Variants in NEK10 observed in about 807,000 individuals in gnomAD.
The protein encoded by NEK10 is NIMA related kinase 10.
A neutral mutation model predicts 159.8 loss-of-function variants in NEK10; 122 were observed. The ratio of observed to expected loss-of-function variants is 0.76; its 90% CI spans 0.66 to 0.89. The LOEUF (loss-of-function observed/expected upper bound fraction) is 0.89, where lower values mean the gene tolerates loss of function less well. Ranked by LOEUF, NEK10 falls within the 40% of genes least tolerant of loss-of-function variation. The pLI, the probability that NEK10 is intolerant of heterozygous loss-of-function variation, is 0.00. For synonymous variants in NEK10, 466 were observed against 457.1 expected (o/e 1.02, Z -0.25); for missense variants, 1,342 against 1,323.1 (o/e 1.01, Z -0.22).
At chr3:27,123,735 C>T (rs1027522781) in intron 32 of NEK10, among the ~76,000 whole-genome samples, 3 of 152,098 alleles carry the variant, frequency 2.0e-5, no homozygotes, top group South Asian at 2.1e-4. Context: ...TTGACTTAGT[C>T]AGCAAAGGCT....
intron 23 of NEK10, among the ~76,000 whole-genome samples, chr3:27,215,203 C>T (rs3099203): frequency 6.6e-6 from 1 of 152,308 alleles, no homozygotes; most frequent in East Asian, 1.9e-4. Context: ...TTCTCTCTTT[C>T]TGCACAATAT....
At chr3:27,345,830 T>C (rs570928534) in intron 4 of NEK10, among the ~76,000 whole-genome samples, 7 of 152,328 alleles carry the variant, frequency 4.6e-5, no homozygotes, top group African/African-American at 1.7e-4. Context: ...AACCACTTCC[T>C]CATTGAGCAA....
At chr3:27,316,246 G>A (rs2045162786) in intron 6 of NEK10, among the ~76,000 whole-genome samples, 1 of 152,150 alleles carries the variant, frequency 6.6e-6, no homozygotes, top group South Asian at 2.1e-4. Flanking sequence ...TATCAACTGG[G>A]AGCTCAGGTG....
At chr3:27,237,025 A>G (rs1259641179) in intron 23 of NEK10, among the ~76,000 whole-genome samples, 3 of 152,112 alleles carry the variant, frequency 2.0e-5, no homozygotes, top group Admixed American at 2.0e-4. Context: ...TCCCCCCAGG[A>G]ATGCATTCCT....
intron 22 of NEK10, among the ~76,000 whole-genome samples, chr3:27,272,655 C>T (rs1322646724): frequency 1.3e-5 from 2 of 152,132 alleles, no homozygotes; most frequent in Non-Finnish European, 2.9e-5. Flanking sequence ...ATCTGGACTT[C>T]ATGATTGTCC....
intron 31 of NEK10, among the ~76,000 whole-genome samples, chr3:27,132,361 C>T (rs1942723033): frequency 6.6e-6 from 1 of 152,170 alleles, no homozygotes; most frequent in Non-Finnish European, 1.5e-5. Flanking sequence ...ATGCCTAGAA[C>T]TATGCCAAAC....
chr3:27,325,166 G>A (rs1471452945), intron 5 of NEK10, among the ~76,000 whole-genome samples: 1 of 152,172 alleles, frequency 6.6e-6, no homozygotes. Flanking sequence ...AGGTGGTCCT[G>A]GCCAGGTGAC....
intron 30 of NEK10, among the ~76,000 whole-genome samples, chr3:27,153,319 CAAAAAAA>C (rs34333130): frequency 4.4e-5 from 4 of 90,658 alleles, no homozygotes; most frequent in African/African-American, 1.7e-4. Context: ...GACTCCATCT[CAAAAAAA>C]AAAAAAAAAA....
At chr3:27,195,309 T>C (rs749775861) in intron 25 of NEK10, among the ~76,000 whole-genome samples, 1 of 152,222 alleles carries the variant, frequency 6.6e-6, no homozygotes, top group African/African-American at 2.4e-5. Flanking sequence ...CCTTGCATTG[T>C]TGCTTTAAGA....
At chr3:27,302,205 T>C (rs1364615760) in intron 12 of NEK10, among the ~76,000 whole-genome samples, 2 of 152,208 alleles carry the variant, frequency 1.3e-5, no homozygotes, top group Admixed American at 6.5e-5. Flanking sequence ...TTCTCTCCTA[T>C]CATATCTTGG....
chr3:27,295,608 A>G lies in NEK10; in HGVS notation c.1308+5T>C. 6.4e-7 allele frequency: 1 copy of G among 1,557,526 alleles called. No homozygotes were observed. Among genetic ancestry groups the G allele is most frequent in the South Asian group, 1.2e-5 (1 of 84,688 alleles). On this transcript the variant is annotated splice_donor_5th_base_variant and intron_variant, in intron 15 of 35. Coordinates refer to ENST00000691995, the MANE Select transcript of NEK10 (RefSeq NM_001394966.1). ...ATACTGAAGGACAAGAGACATGTTT[A>G]TTACCTGTAATAGATTACTTTTTGC...
intron 5 of NEK10, among the ~76,000 whole-genome samples, chr3:27,328,577 G>A (rs2046180337): frequency 1.3e-5 from 2 of 152,186 alleles, no homozygotes; most frequent in Admixed American, 6.6e-5. Context: ...TAGAGCAATA[G>A]GGATTGGGGT....
chr3:27,180,285 T>C (rs1345449787), intron 26 of NEK10, among the ~76,000 whole-genome samples: 1 of 151,144 alleles, frequency 6.6e-6, no homozygotes, highest in Non-Finnish European at 1.5e-5. Flanking sequence ...ATCTCAGCTA[T>C]TGAGGAGGCG....
At chr3:27,136,044 G>A (rs373948371) in intron 31 of NEK10, among the ~76,000 whole-genome samples, 43 of 150,006 alleles carry the variant, frequency 2.9e-4, no homozygotes, top group African/African-American at 1.0e-3. Flanking sequence ...CTGTGGTTGT[G>A]AAGACAAACA....
chr3:27,141,074 G>C (rs1471149781), intron 31 of NEK10, among the ~76,000 whole-genome samples: 2 of 152,014 alleles, frequency 1.3e-5, no homozygotes, highest in Non-Finnish European at 2.9e-5. Flanking sequence ...GTGTGGTTTT[G>C]GCTTTCACTC....
chr3:27,304,649 G>T (rs2044094397), intron 12 of NEK10, 98 bp downstream of exon 12: 1 of 744,012 alleles, frequency 1.3e-6, no homozygotes, highest in African/African-American at 1.7e-5. Context: ...CCCAAAGCAG[G>T]AGGGAATGAG....
intron 5 of NEK10, among the ~76,000 whole-genome samples, chr3:27,330,922 T>C (rs2046346304): frequency 6.6e-6 from 1 of 152,138 alleles, no homozygotes. Flanking sequence ...TAGGCCGTTA[T>C]AACATTTTTT....
chr3:27,169,568 C>T (rs1946769989), intron 29 of NEK10, among the ~76,000 whole-genome samples: 1 of 152,250 alleles, frequency 6.6e-6, no homozygotes, highest in Admixed American at 6.5e-5. Flanking sequence ...TCCACCCTAA[C>T]TCCTCCTGAT....
chr3:27,206,549 A>T (rs1950560935), intron 23 of NEK10: 1 of 973,616 alleles, frequency 1.0e-6, no homozygotes, highest in African/African-American at 1.8e-5. Context: ...TCATTCACTC[A>T]TTCATCTTCT....
Sources: allele counts gnomAD v4.1 joint callset (sites outside exome capture counted in the v4.1 genomes callset), GRCh38; gene constraint gnomAD v4.1.1; transcripts MANE v1.5; gene names NCBI Gene and HGNC (gene_info 2026-07-23, HGNC 2026-07-21).